The following TBCD variants were observed in gnomAD, a reference collection of about 807,000 sequenced individuals.
TBCD encodes tubulin folding cofactor D.
A neutral mutation model predicts 169.3 loss-of-function variants in TBCD; 105 were observed. The ratio of observed to expected loss-of-function variants is 0.62; its 90% CI spans 0.53 to 0.73. The LOEUF (loss-of-function observed/expected upper bound fraction) is 0.73, where lower values mean the gene tolerates loss of function less well. Among genes scored for constraint, TBCD ranks in the 30% least tolerant of loss-of-function variants. The pLI, the probability that TBCD is intolerant of heterozygous loss-of-function variation, is 0.00. For missense variants in TBCD, 1,444 were observed against 1,600.1 expected (o/e 0.90, Z 1.66); for synonymous variants, 700 against 643.9 (o/e 1.09, Z -1.32).
intron 13 of TBCD, among the ~76,000 whole-genome samples, chr17:82,865,839 TGTTTCTGTCACCTGGA>T (rs1321791600): frequency 6.6e-6 from 1 of 152,180 alleles, no homozygotes; most frequent in Non-Finnish European, 1.5e-5. Context: ...AGGGTTAAGT[TGTTTCTGTCACCTGGA>T]GGCTGCTTTT....
chr17:82,845,258 C>T (rs1199622924), intron 13 of TBCD, among the ~76,000 whole-genome samples: 1 of 152,078 alleles, frequency 6.6e-6, no homozygotes, highest in East Asian at 1.9e-4. Context: ...CAGCTCAGCC[C>T]CTTCCTGTCC....
chr17:82,771,336 G>C (rs2048303813), intron 5 of TBCD, among the ~76,000 whole-genome samples: 1 of 151,990 alleles, frequency 6.6e-6, no homozygotes, highest in African/African-American at 2.4e-5. Flanking sequence ...AATTAGCCAG[G>C]TGTGGTGGTA....
At chr17:82,783,859 T>C (rs2049117321) in intron 7 of TBCD, among the ~76,000 whole-genome samples, 1 of 152,194 alleles carries the variant, frequency 6.6e-6, no homozygotes, top group Non-Finnish European at 1.5e-5. Flanking sequence ...GCGCGGTGGC[T>C]CATGCCTATA....
rs2063508190 is a variant in TBCD, at chr17:82,944,111, T to TA, written c.*1652dup. ...CATGATGAACTGTTCTTAGTGCAAT[T>TA]AAAAGAAGATTCCAGATAAATGGCA... is the stretch of plus-strand genomic sequence containing the variant. On this transcript the variant is annotated 3_prime_UTR_variant, in exon 39 of 39. Transcript: ENST00000355528. The TA allele has an allele frequency of 6.6e-6, 1 of 152,246 alleles. No homozygotes were observed. The highest frequency in any genetic ancestry group is 2.4e-5 in the African/African-American group (1 of 41,458). 9.4% of individuals were successfully genotyped at this position (152,246 alleles called of 1,614,324 possible). A position where few individuals can be genotyped will look rare whatever the true frequency, so the allele number is the denominator to read the frequency against.
In TBCD at chr17:82,889,636, C is replaced by G; in HGVS notation, c.1534-32C>G. The G allele has an allele frequency of 3.1e-6, 5 of 1,613,844 alleles. No individual in the cohort carries two copies. The highest frequency in any genetic ancestry group is 1.3e-5 in the African/African-American group (1 of 75,064). ...CTGGTGTTGGCGGAAGCTGACCTCG[C>G]TCACCTGCTGTGTTTGTTCTTTGCT... is the stretch of plus-strand genomic sequence containing the variant. On this transcript the variant is annotated intron_variant, in intron 15 of 38. Coordinates refer to ENST00000355528, the MANE Select transcript of TBCD (RefSeq NM_005993.5). This position sits in a 1 kb window ranked among gnomAD's most constrained non-coding sequence, Gnocchi z 5.3.
intron 24 of TBCD, chr17:82,921,070 G>A (rs117857893): frequency 0.01 from 2,615 of 252,538 alleles, 21 homozygotes; most frequent in Middle Eastern, 0.022. Flanking sequence ...GTGGTGTCCC[G>A]GGGCTGTCTC....
At chr17:82,845,468 C>T (rs1018853309) in intron 13 of TBCD, among the ~76,000 whole-genome samples, 1 of 132,552 alleles carries the variant, frequency 7.5e-6, no homozygotes, top group African/African-American at 2.5e-5. Context: ...CTGGCCCGGC[C>T]CCTTCCTCTC....
At chr17:82,860,078 T>C (rs2056629574) in intron 13 of TBCD, among the ~76,000 whole-genome samples, 1 of 152,164 alleles carries the variant, frequency 6.6e-6, no homozygotes, top group South Asian at 2.1e-4. Flanking sequence ...GAGGTCTGAG[T>C]ATGGGGGCTG....
At chr17:82,838,590 C>T in intron 13 of TBCD, 1 of 944,872 alleles carries the variant, frequency 1.1e-6, no homozygotes, top group East Asian at 1.2e-4. Flanking sequence ...ACCATTGTCG[C>T]CTACCCACTG....
At chr17:82,810,136 A>C (rs1191846205) in intron 12 of TBCD, among the ~76,000 whole-genome samples, 1 of 152,048 alleles carries the variant, frequency 6.6e-6, no homozygotes, top group Non-Finnish European at 1.5e-5. Flanking sequence ...CACGTGTATC[A>C]CTCAGACCTT....
At chr17:82,937,093 G>A (rs1042646121) in intron 34 of TBCD, 178 bp from the exon 35 acceptor site, 9 of 605,170 alleles carry the variant, frequency 1.5e-5, no homozygotes, top group Non-Finnish European at 2.4e-5. Flanking sequence ...GACCAGGCCG[G>A]CCTGTGGAGG....
At chr17:82,796,523 G>T (rs2050117385) in intron 7 of TBCD, among the ~76,000 whole-genome samples, 1 of 152,212 alleles carries the variant, frequency 6.6e-6, no homozygotes, top group Non-Finnish European at 1.5e-5. Flanking sequence ...ATTCTGAGTG[G>T]CTCAGGGAGG....
intron 10 of TBCD, among the ~76,000 whole-genome samples, chr17:82,807,191 C>T (rs1568165830): frequency 1.3e-5 from 2 of 152,234 alleles, no homozygotes; most frequent in Admixed American, 6.5e-5. Flanking sequence ...CTTAAAAGTT[C>T]AGCCTGCCGC....
chr17:82,844,919 C>T (rs1011141799), intron 13 of TBCD, among the ~76,000 whole-genome samples: 1 of 152,118 alleles, frequency 6.6e-6, no homozygotes, highest in Non-Finnish European at 1.5e-5. Flanking sequence ...CCTGTGGAGT[C>T]CCCCCACCCA....
At chr17:82,810,551 G>A (rs1276469017) in intron 12 of TBCD, among the ~76,000 whole-genome samples, 4 of 151,898 alleles carry the variant, frequency 2.6e-5, no homozygotes, top group Non-Finnish European at 5.9e-5. Flanking sequence ...GGTAAGTTGT[G>A]GGCTGGGATG....
intron 20 of TBCD, among the ~76,000 whole-genome samples, chr17:82,906,300 G>C (rs532894864): frequency 3.9e-5 from 6 of 152,326 alleles, no homozygotes; most frequent in African/African-American, 1.4e-4. Context: ...GGATGGGCCG[G>C]GCATCTCCCC....
intron 26 of TBCD, 141 bp from the exon 27 acceptor site, chr17:82,924,798 G>A: frequency 1.6e-6 from 1 of 620,316 alleles, no homozygotes; most frequent in Non-Finnish European, 2.8e-6. Flanking sequence ...AGGCCACTTT[G>A]GAAACGTGTC....
chr17:82,899,468 C>T (rs532562158), intron 17 of TBCD, among the ~76,000 whole-genome samples: 6 of 152,186 alleles, frequency 3.9e-5, no homozygotes, highest in East Asian at 1.9e-4. Context: ...CGTGTGTGTC[C>T]GCAGCGCGTG....
chr17:82,790,675 G>A (rs1009859271), intron 7 of TBCD, among the ~76,000 whole-genome samples: 4 of 152,182 alleles, frequency 2.6e-5, no homozygotes, highest in Non-Finnish European at 5.9e-5. Context: ...CCGTCCGGGG[G>A]AGATGTGGCA....
Sources: gnomAD v4.1 joint callset for allele counts (sites outside exome capture counted in the v4.1 genomes callset) on GRCh38, gnomAD v4.1.1 for gene constraint, Gnocchi (gnomAD v3.1) non-coding constraint, MANE v1.5 for transcripts, NCBI Gene and HGNC (gene_info 2026-07-23, HGNC 2026-07-21) for gene names.